The following GABRB1 variants were observed in gnomAD, a reference collection of about 807,000 sequenced individuals.
GABRB1 encodes the protein gamma-aminobutyric acid type A receptor subunit beta1.
A neutral mutation model predicts 51.6 loss-of-function variants in GABRB1; 17 were observed. The observed-to-expected ratio is 0.33, with a 90% CI of 0.23 to 0.49. The LOEUF (loss-of-function observed/expected upper bound fraction) is 0.49, where lower values mean the gene tolerates loss of function less well. Ranked by LOEUF, GABRB1 falls within the 20% of genes least tolerant of loss-of-function variation. The pLI, the probability that GABRB1 is intolerant of heterozygous loss-of-function variation, is 0.99. For synonymous variants in GABRB1, 247 were observed against 218.9 expected (o/e 1.13, Z -1.14); for missense variants, 410 against 600.6 (o/e 0.68, Z 3.32).
chr4:47,254,025 A>G (rs1339175246), intron 4 of GABRB1, among the ~76,000 whole-genome samples: 1 of 152,214 alleles, frequency 6.6e-6, no homozygotes, highest in Non-Finnish European at 1.5e-5. Context: ...TACTGACAAT[A>G]TGGGCATTGT....
intron 3 of GABRB1, among the ~76,000 whole-genome samples, chr4:47,092,161 CTTTCTTTTTTTTTT>C (rs893639735): frequency 5.9e-5 from 4 of 68,228 alleles, no homozygotes; most frequent in Non-Finnish European, 8.5e-5. Flanking sequence ...TTCTTTCTTT[CTTTCTTTTTTTTTT>C]TTTTTTTTTT....
At chr4:47,047,235 A>G (rs1465934913) in intron 3 of GABRB1, among the ~76,000 whole-genome samples, 2 of 152,172 alleles carry the variant, frequency 1.3e-5, no homozygotes, top group Non-Finnish European at 2.9e-5. Flanking sequence ...AGGGTATTCA[A>G]AATTACAGAG....
intron 5 of GABRB1, among the ~76,000 whole-genome samples, chr4:47,340,123 G>A (rs1725831291): frequency 6.6e-6 from 1 of 152,094 alleles, no homozygotes; most frequent in African/African-American, 2.4e-5. Flanking sequence ...TTAATATAGG[G>A]AACTAAGAGC....
intron 3 of GABRB1, among the ~76,000 whole-genome samples, chr4:47,059,825 C>A (rs947537605): frequency 2.6e-5 from 4 of 152,162 alleles, no homozygotes; most frequent in African/African-American, 4.8e-5. Context: ...CTAGCCCTGA[C>A]ACATCCTCCA....
chr4:47,186,314 C>T (rs1056442382), intron 4 of GABRB1, among the ~76,000 whole-genome samples: 5 of 151,708 alleles, frequency 3.3e-5, no homozygotes, highest in Non-Finnish European at 5.9e-5. Flanking sequence ...TAAGTATATA[C>T]AGAGAACACT....
intron 3 of GABRB1, among the ~76,000 whole-genome samples, chr4:47,133,693 A>G (rs1235635597): frequency 6.6e-6 from 1 of 152,144 alleles, no homozygotes. Context: ...GATTAGATTC[A>G]GGTTACGTGT....
intron 3 of GABRB1, among the ~76,000 whole-genome samples, chr4:47,132,865 G>T (rs115318009): frequency 4.3e-4 from 65 of 152,216 alleles, no homozygotes; most frequent in African/African-American, 1.5e-3. Flanking sequence ...ATCTTGCCTT[G>T]CATTTCTGCT....
intron 4 of GABRB1, among the ~76,000 whole-genome samples, chr4:47,180,114 C>T (rs1213716968): frequency 6.6e-6 from 1 of 151,912 alleles, no homozygotes; most frequent in Admixed American, 6.6e-5. Context: ...AGCACAGGCA[C>T]TAGTCACAAT....
At chr4:47,080,054 G>T (rs1727759814) in intron 3 of GABRB1, among the ~76,000 whole-genome samples, 1 of 151,864 alleles carries the variant, frequency 6.6e-6, no homozygotes, top group Admixed American at 6.6e-5. Context: ...TTGTCAGAAA[G>T]AGCTTATTTC....
intron 5 of GABRB1, among the ~76,000 whole-genome samples, chr4:47,380,346 A>G (rs1369434353): frequency 6.6e-6 from 1 of 152,234 alleles, no homozygotes; most frequent in Non-Finnish European, 1.5e-5. Flanking sequence ...GAAATTTATC[A>G]AAGAATTCCC....
At chr4:47,291,435 C>T (rs796644271) in intron 4 of GABRB1, among the ~76,000 whole-genome samples, 16 of 152,126 alleles carry the variant, frequency 1.1e-4, no homozygotes, top group East Asian at 5.8e-4. Context: ...CGGAGCCCCC[C>T]GACCCACACA....
intron 4 of GABRB1, among the ~76,000 whole-genome samples, chr4:47,314,950 T>C (rs535198161): frequency 1.3e-3 from 204 of 152,082 alleles, no homozygotes; most frequent in African/African-American, 4.4e-3. Context: ...AATACCATTC[T>C]GGACAGAGGA....
chr4:47,351,816 AC>A (rs1370935938), intron 5 of GABRB1, among the ~76,000 whole-genome samples: 11 of 151,982 alleles, frequency 7.2e-5, no homozygotes, highest in East Asian at 1.9e-4. Context: ...TCATTGTTGG[AC>A]ATTTGGGTTG....
intron 7 of GABRB1, among the ~76,000 whole-genome samples, chr4:47,404,502 C>T (rs954809122): frequency 8.1e-6 from 1 of 123,414 alleles, no homozygotes; most frequent in Non-Finnish European, 1.7e-5. Context: ...CACACACACA[C>T]ACACACACAC....
chr4:47,043,015 A>G (rs777271987), intron 3 of GABRB1: 3 of 151,966 alleles, frequency 2.0e-5, no homozygotes, highest in Admixed American at 6.6e-5. Context: ...TGGTGGTGAA[A>G]TTTTCTTACC....
At chr4:47,245,281 A>G (rs564389100) in intron 4 of GABRB1, among the ~76,000 whole-genome samples, 2 of 152,298 alleles carry the variant, frequency 1.3e-5, no homozygotes, top group South Asian at 4.1e-4. Flanking sequence ...ATTTCCTAAT[A>G]TAACTTGCAA....
intron 5 of GABRB1, among the ~76,000 whole-genome samples, chr4:47,336,533 G>T (rs1725701919): frequency 6.6e-6 from 1 of 152,168 alleles, no homozygotes; most frequent in African/African-American, 2.4e-5. Flanking sequence ...ACTTGCCTTT[G>T]TTCATACCTA....
intron 1 of GABRB1, among the ~76,000 whole-genome samples, chr4:47,015,312 G>A (rs1217372541): frequency 6.6e-6 from 1 of 152,130 alleles, no homozygotes; most frequent in Non-Finnish European, 1.5e-5. Context: ...TTCAAAGAGG[G>A]TTAGGTTGAT....
chr4:47,228,720 G>C (rs995577963), intron 4 of GABRB1, among the ~76,000 whole-genome samples: 1 of 152,070 alleles, frequency 6.6e-6, no homozygotes, highest in African/African-American at 2.4e-5. Context: ...GGCAACAGGG[G>C]CCTCAGCTAA....
Sources: allele counts gnomAD v4.1 joint callset (sites outside exome capture counted in the v4.1 genomes callset), GRCh38; gene constraint gnomAD v4.1.1; transcripts MANE v1.5; gene names NCBI Gene and HGNC (gene_info 2026-07-23, HGNC 2026-07-21).